Variants in ADAD1 observed in about 807,000 individuals in gnomAD.
The protein encoded by ADAD1 is adenosine deaminase domain containing 1, also known as adenosine deaminase domain-containing protein 1.
In ADAD1, 46 loss-of-function variants were observed where a neutral mutation model predicts 66.8. The observed-to-expected ratio is 0.69, with a 90% confidence interval of 0.54 to 0.88. The LOEUF is 0.88. Among genes scored for constraint, ADAD1 ranks in the 40% least tolerant of loss-of-function variants. The pLI is 0.00. For missense variants in ADAD1, 617 were observed against 681.8 expected, an observed-to-expected ratio of 0.91 and a Z score of 1.06; for synonymous variants, 248 against 229.4, an observed-to-expected ratio of 1.08 and a Z score of -0.73.
chr4:122,421,371 G>C lies in ADAD1; in HGVS notation c.1598G>C (p.Gly533Ala). The change falls in exon 12 of 13, where the codon GGT (glycine) becomes GCT (alanine). Residue 533 changes from glycine to alanine, a missense_variant. Physicochemically the swap from Gly to Ala is moderately conservative, Grantham distance 60. Coordinates refer to ENST00000296513, the MANE Select transcript of ADAD1 (RefSeq NM_139243.4). The stretch of plus-strand genomic sequence containing the variant: ...GCTAAAAAAGAATTACTTGAAGCTG[G>C]TACATATCATGCAGCTAAGGTAAGT... ...KEAKKELLEA[G>A]TYHAAKCMSA... is the part of the protein sequence containing the mutation. 1 of 1,597,550 alleles carries C rather than the reference G, an allele frequency of 6.3e-7. No individual in the cohort carries two copies. Among genetic ancestry groups the C allele is most frequent in the African/African-American group, 1.3e-5 (1 of 74,844 alleles).
intron 12 of ADAD1, among the ~76,000 whole-genome samples, chr4:122,427,335 A>G (rs1243669739): frequency 6.6e-6 from 1 of 152,154 alleles, no homozygotes; most frequent in East Asian, 1.9e-4. Context: ...TGAAACATAG[A>G]TGAGAGAAAT....
At chr4:122,384,068 T>C in intron 5 of ADAD1, 102 bp downstream of exon 5, 1 of 1,094,614 alleles carries the variant, frequency 9.1e-7, no homozygotes. Flanking sequence ...AGCTACAAGA[T>C]AGAAGTTGCA....
intron 8 of ADAD1, among the ~76,000 whole-genome samples, chr4:122,409,781 C>T (rs1420881216): frequency 1.3e-5 from 2 of 152,088 alleles, no homozygotes; most frequent in African/African-American, 4.8e-5. Flanking sequence ...CTCACTGCAA[C>T]CTCCGCCTCC....
At chr4:122,421,124 A>G in intron 11 of ADAD1, 137 bp from the exon 12 acceptor site, 1 of 518,066 alleles carries the variant, frequency 1.9e-6, no homozygotes, top group Non-Finnish European at 2.9e-6. Context: ...AATGCCTCTT[A>G]TGTAAAAAAA....
At chr4:122,415,647 ATTAC>A in intron 11 of ADAD1, 31 bp downstream of exon 11, 2 of 1,566,894 alleles carry the variant, frequency 1.3e-6, no homozygotes, top group Non-Finnish European at 1.8e-6. Context: ...TAAACCATAT[ATTAC>A]TTAAGCAAAA....
At position 122,411,408 on chromosome 4, in the gene ADAD1, G is replaced by C. The variant is rs375876455; in HGVS notation, c.1019+16G>C. ...AGTCACAGTTGTAAGTATTATAGAA[G>C]TTGTTTTTAAAAGCAAGTAGGATGG... is the stretch of plus-strand genomic sequence containing the variant. On this transcript the variant is annotated intron_variant, in intron 9 of 12. Coordinates refer to ENST00000296513, the MANE Select transcript of ADAD1 (RefSeq NM_139243.4). 6.3e-7 allele frequency: 1 copy of C among 1,594,786 alleles called. No individual in the cohort carries two copies. Among genetic ancestry groups the C allele is most frequent in the South Asian group, 1.2e-5 (1 of 86,052 alleles).
chr4:122,422,313 CG>C (rs1797039219), intron 12 of ADAD1, among the ~76,000 whole-genome samples: 1 of 151,964 alleles, frequency 6.6e-6, no homozygotes, highest in Non-Finnish European at 1.5e-5. Flanking sequence ...TCAGTAGAGA[CG>C]GGGTTTCGCC....
At position 122,415,506 on chromosome 4, in the gene ADAD1, T is replaced by C; in HGVS notation, c.1377T>C (p.Ser459=). The part of the protein sequence containing the change: ...VNRPHISLVP[S]AYPLQMNLEY... ...GACCTCATATTAGTTTAGTACCCTC[T>C]GCATATCCCCTTCAAATGAACTTGG... The change falls in exon 11 of 13, where the codon TCT becomes TCC. Residue 459 remains serine (S), a synonymous_variant. Transcript: ENST00000296513. 6.2e-7 allele frequency: 1 copy of C among 1,613,986 alleles called. No individual in the cohort carries two copies. The highest frequency in any genetic ancestry group is 8.5e-7 in the Non-Finnish European group (1 of 1,179,882).
At chr4:122,380,468 C>T in intron 3 of ADAD1, 1 of 523,282 alleles carries the variant, frequency 1.9e-6, no homozygotes, top group Non-Finnish European at 3.3e-6. Flanking sequence ...TTCAAACCCC[C>T]CCCTTCAAGT....
At position 122,379,116 on chromosome 4, in the gene ADAD1, G is replaced by C. The variant is rs1489193165; in HGVS notation, c.-83+1G>C. On this transcript the variant is annotated splice_donor_variant, in intron 1 of 12. Coordinates refer to ENST00000296513, the MANE Select transcript of ADAD1 (RefSeq NM_139243.4). LOFTEE classifies it low-confidence loss of function (5UTR_SPLICE). ...TTTTCTTGAAACAACCCTCACGCAG[G>C]TACCCCTTGGGCAGCCTTCAACCGC... The C allele has an allele frequency of 6.6e-6, 1 of 152,314 alleles. No homozygotes were observed. The highest frequency in any genetic ancestry group is 1.5e-5 in the Non-Finnish European group (1 of 68,062). 9.4% of individuals were successfully genotyped at this position (152,314 alleles called of 1,614,324 possible).
intron 12 of ADAD1, among the ~76,000 whole-genome samples, chr4:122,423,408 A>G (rs1462611959): frequency 1.3e-5 from 2 of 152,210 alleles, no homozygotes; most frequent in Non-Finnish European, 2.9e-5. Flanking sequence ...CTGAAAAACT[A>G]CACTCATGTG....
intron 7 of ADAD1, among the ~76,000 whole-genome samples, chr4:122,399,599 A>G (rs1327052191): frequency 6.6e-6 from 1 of 152,072 alleles, no homozygotes; most frequent in African/African-American, 2.4e-5. Context: ...CACAATATTG[A>G]TGCTACCCAT....
Position 122,412,863 on chromosome 4 carries a change from G to A in ADAD1, c.1249+54G>A, listed in dbSNP as rs1399310739. ...CTCTCACTCACTAAGCAAATTCTCT[G>A]TATTTTACTTATCAGTATAAAATTA... On this transcript the variant is annotated intron_variant, in intron 10 of 12. Coordinates refer to ENST00000296513, the MANE Select transcript of ADAD1 (RefSeq NM_139243.4). 3 of 1,430,478 alleles carry A rather than the reference G, an allele frequency of 2.1e-6. No homozygotes were observed. The African/African-American group carries it at 4.3e-5, about 20-fold the overall frequency. The allele number at this position is 1,430,478 out of a possible 1,614,324, so 88.6% of individuals were successfully genotyped here. A position where few individuals can be genotyped will look rare whatever the true frequency, so the allele number is the denominator to read the frequency against.
intron 12 of ADAD1, among the ~76,000 whole-genome samples, chr4:122,425,866 G>T (rs1797211042): frequency 6.6e-6 from 1 of 151,918 alleles, no homozygotes; most frequent in South Asian, 2.1e-4. Context: ...TAAGTACTTA[G>T]AAATGTATAG....
chr4:122,394,565 A>G (rs1247888973), intron 6 of ADAD1, among the ~76,000 whole-genome samples: 1 of 152,230 alleles, frequency 6.6e-6, no homozygotes, highest in Non-Finnish European at 1.5e-5. Flanking sequence ...GGACCAGACC[A>G]GGGAAAATAG....
At chr4:122,399,632 G>C (rs1354110745) in intron 7 of ADAD1, among the ~76,000 whole-genome samples, 1 of 151,832 alleles carries the variant, frequency 6.6e-6, no homozygotes, top group African/African-American at 2.4e-5. Flanking sequence ...GAGATGGGAG[G>C]TGTTTCCATT....
rs1348505364 is a variant in ADAD1 at position 122,396,260 on chromosome 4, C to G, written c.607C>G (p.His203Asp). 1 of 1,583,524 alleles carries G rather than the reference C, an allele frequency of 6.3e-7. No homozygotes were observed. Among genetic ancestry groups the G allele is most frequent in the Non-Finnish European group, 8.6e-7 (1 of 1,167,588 alleles). Residue 203 changes from histidine to aspartate, a missense_variant, in exon 7 of 13, where the codon CAT becomes GAT. By Grantham distance (81) the His-to-Asp change is moderately conservative. Transcript: ENST00000296513. ...YVSKVHYEGR[H>D]IQYAKISQIV... is the part of the protein sequence containing the mutation. Reference sequence around the variant, plus strand: ...TTTTGATTTTTTTCTAGAAGGGAGACATATTCAATATGCAAAGATTTCACA... The same window carrying G: ...TTTTGATTTTTTTCTAGAAGGGAGAGATATTCAATATGCAAAGATTTCACA...
In ADAD1 at chr4:122,380,176, C is replaced by T; in HGVS notation, c.107C>T (p.Pro36Leu). 1 of 1,614,182 alleles carries T rather than the reference C, an allele frequency of 6.2e-7. No individual in the cohort carries two copies. The highest frequency in any genetic ancestry group is 8.5e-7 in the Non-Finnish European group (1 of 1,180,044). Residue 36 changes from proline to leucine, a missense_variant, in exon 3 of 13, where the codon CCC becomes CTC. Pro to Leu is a moderately conservative substitution (Grantham distance 98). Coordinates refer to ENST00000296513, the MANE Select transcript of ADAD1 (RefSeq NM_139243.4). The stretch of plus-strand genomic sequence containing the variant: ...CCAGCGACAAAGACGATAACTACAC[C>T]CACAGGATGGTCCTCAGAAAGTTAC... Reference protein sequence around the residue: ...VQPATKTITTPTGWSSESYGL... With the variant: ...VQPATKTITTLTGWSSESYGL...
chr4:122,381,224 A>G, intron 4 of ADAD1, 44 bp downstream of exon 4: 9 of 1,495,776 alleles, frequency 6.0e-6, no homozygotes, highest in East Asian at 2.4e-5. Context: ...AACGAAAAGT[A>G]TAGCAAAATA....
Sources: allele counts gnomAD v4.1 joint callset (sites outside exome capture counted in the v4.1 genomes callset), GRCh38; gene constraint gnomAD v4.1.1; transcripts MANE v1.5; gene names NCBI Gene and HGNC (gene_info 2026-07-23, HGNC 2026-07-21).